Variants in FAM124A observed in about 807,000 individuals in gnomAD.
The protein encoded by FAM124A is family with sequence similarity 124 member A.
FAM124A carries 23 observed loss-of-function variants against 24.5 expected under a neutral mutation model. The ratio of observed to expected loss-of-function variants is 0.94; its 90% CI spans 0.68 to 1.33. FAM124A has a LOEUF of 1.33. FAM124A is among the 40% of genes most tolerant of loss of function. The probability of loss-of-function intolerance (pLI) is 0.00; values close to 1 mark genes in which losing one functional copy is unlikely to be tolerated. For synonymous variants in FAM124A, 287 were observed against 314.7 expected (o/e 0.91, Z 0.93); for missense variants, 623 against 722.8 (o/e 0.86, Z 1.58).
At chr13:51,240,158 A>G (rs935081507) in intron 2 of FAM124A, among the ~76,000 whole-genome samples, 14 of 152,284 alleles carry the variant, frequency 9.2e-5, no homozygotes, top group African/African-American at 3.4e-4. Flanking sequence ...TGATACAAAA[A>G]GCCAAGTCAT....
At chr13:51,270,429 T>A (rs564196432) in intron 3 of FAM124A, among the ~76,000 whole-genome samples, 47 of 152,316 alleles carry the variant, frequency 3.1e-4, no homozygotes, top group East Asian at 1.2e-3. Context: ...GATTTTTTTT[T>A]AAATTTATAA....
chr13:51,255,241 T>C (rs956677059), intron 3 of FAM124A, among the ~76,000 whole-genome samples: 1 of 152,184 alleles, frequency 6.6e-6, no homozygotes, highest in Non-Finnish European at 1.5e-5. Flanking sequence ...AAGGCAAATA[T>C]TGATAGAAAA....
At chr13:51,224,079 G>C (rs115699542) in intron 1 of FAM124A, among the ~76,000 whole-genome samples, 2,719 of 152,292 alleles carry the variant, frequency 0.018, 72 homozygotes, top group African/African-American at 0.062. Context: ...CAGCGGCCAG[G>C]CCTCCTGGGA....
rs73490202 is a variant in FAM124A, at chr13:51,278,601, A to G, written c.835-1849A>G. Among the ~76,000 whole-genome samples the G allele has an allele frequency of 2.4e-3, 366 of 152,232 alleles. 3 individuals are homozygous for G. Among genetic ancestry groups the G allele is most frequent in the African/African-American group, 8.6e-3 (359 of 41,550 alleles). On this transcript the variant is annotated intron_variant, in intron 3 of 3. Transcript: ENST00000322475. ...CCAGGATTTCCTGCCATTATTCACA[A>G]TGCCATATCAGCCTCAAATTCCGCC...
Position 51,270,815 on chromosome 13 carries a change from C to T in FAM124A, c.835-9635C>T, listed in dbSNP as rs889137701. Reference sequence around the variant, plus strand: ...CCTGTGGGCGGTTAGTTGATCTCTTCTGATGTAGGCAGCCTGTGTTTTTGG... The same window carrying T: ...CCTGTGGGCGGTTAGTTGATCTCTTTTGATGTAGGCAGCCTGTGTTTTTGG... On this transcript the variant is annotated intron_variant, in intron 3 of 3. Coordinates refer to ENST00000322475, the MANE Select transcript of FAM124A (RefSeq NM_001242312.2). Among the ~76,000 whole-genome samples, 5 of 152,186 alleles carry T rather than the reference C, an allele frequency of 3.3e-5. No individual in the cohort carries two copies. The South Asian group carries it at 1.0e-3, about 32-fold the overall frequency.
intron 2 of FAM124A, among the ~76,000 whole-genome samples, chr13:51,249,199 C>T (rs1192624212): frequency 6.6e-6 from 1 of 152,226 alleles, no homozygotes; most frequent in Non-Finnish European, 1.5e-5. Context: ...TCTGCCTTTA[C>T]CCTTCAAGAC....
chr13:51,275,586 C>G (rs1209490900), intron 3 of FAM124A, among the ~76,000 whole-genome samples: 1 of 151,664 alleles, frequency 6.6e-6, no homozygotes, highest in Non-Finnish European at 1.5e-5. Context: ...AGGCATGTCT[C>G]TAAAAGCAAT....
Position 51,252,078 on chromosome 13 carries a change from C to T in FAM124A, c.711C>T (p.Ser237=), listed in dbSNP as rs1400663047. 1.2e-6 allele frequency: 2 copies of T among 1,614,124 alleles called. No homozygotes were observed. Among genetic ancestry groups the T allele is most frequent in the South Asian group, 2.2e-5 (2 of 91,078 alleles). Residue 237 remains serine, a synonymous_variant, in exon 3 of 4, where the codon TCC becomes TCT. Transcript: ENST00000322475. ...CDQCPVPTDS[S]VLEFRVRDIG... ...AGTGCCCGGTGCCCACCGACTCCTC[C>T]GTGCTGGAGTTCCGAGTGAGGGACA... is the stretch of plus-strand genomic sequence containing the variant.
At position 51,281,213 on chromosome 13, in the gene FAM124A, C is replaced by T. The variant is rs780052468; in HGVS notation, c.1598C>T (p.Ser533Leu). Residue 533 changes from serine (S) to leucine (L), a missense_variant, in exon 4 of 4, where the codon TCG becomes TTG. Ser to Leu is a moderately radical substitution (Grantham distance 145). Coordinates refer to ENST00000322475, the MANE Select transcript of FAM124A (RefSeq NM_001242312.2). ...GGAGACATGCCACCACCCCCAGGGT[C>T]GGCTGGCCCCGGGGATAACGACATG... ...TDGDMPPPPG[S>L]AGPGDNDMEE... The T allele has an allele frequency of 3.1e-6, 5 of 1,602,378 alleles. No homozygotes were observed. The highest frequency in any genetic ancestry group is 3.3e-4 in the Middle Eastern group (2 of 6,010).
At chr13:51,237,693 C>T (rs901018358) in intron 2 of FAM124A, among the ~76,000 whole-genome samples, 1 of 152,234 alleles carries the variant, frequency 6.6e-6, no homozygotes, top group East Asian at 1.9e-4. Flanking sequence ...ATTTCCTTAT[C>T]CAGTCTGTCT....
In FAM124A at chr13:51,284,113, A is replaced by G. The variant is rs1316651836; in HGVS notation, c.*2857A>G. The G allele has an allele frequency of 2.6e-5, 4 of 152,240 alleles. No individual in the cohort carries two copies. The highest frequency in any genetic ancestry group is 9.6e-5 in the African/African-American group (4 of 41,456). 9.4% of individuals were successfully genotyped at this position (152,240 alleles called of 1,614,324 possible). On this transcript the variant is annotated 3_prime_UTR_variant, in exon 4 of 4. Transcript: ENST00000322475. ...CTTCCCTTCCATTCCTGGCCATTCC[A>G]GTAGCATCTTCCTCATCCAGAAGGG... is the stretch of plus-strand genomic sequence containing the variant.
chr13:51,247,175 C>T (rs915327345), intron 2 of FAM124A, among the ~76,000 whole-genome samples: 9 of 152,072 alleles, frequency 5.9e-5, no homozygotes, highest in African/African-American at 1.7e-4. Flanking sequence ...GTGGGAGAGC[C>T]GTGCAGAGGG....
intron 1 of FAM124A, among the ~76,000 whole-genome samples, chr13:51,229,007 C>G (rs1954345727): frequency 6.6e-6 from 1 of 152,184 alleles, no homozygotes; most frequent in African/African-American, 2.4e-5. Flanking sequence ...AAATGTGTAG[C>G]AGCATGTTAT....
rs928780693 is a variant in FAM124A at position 51,222,427 on chromosome 13, G to A, written c.-75G>A. 6 of 1,152,520 alleles carry A rather than the reference G, an allele frequency of 5.2e-6. No homozygotes were observed. The highest frequency in any genetic ancestry group is 1.6e-5 in the African/African-American group (1 of 61,438). 71.4% of individuals were successfully genotyped at this position (1,152,520 alleles called of 1,614,324 possible). A position where few individuals can be genotyped will look rare whatever the true frequency, so the allele number is the denominator to read the frequency against. ...GCTCGGAGGGAGCCCGGCCGGCTCG[G>A]ACTGGGCGGCCGGGAGGGAGGGCGC... On this transcript the variant is annotated 5_prime_UTR_variant, in exon 1 of 4. Transcript: ENST00000322475.
chr13:51,242,746 G>A (rs1954512116), intron 2 of FAM124A, among the ~76,000 whole-genome samples: 1 of 152,084 alleles, frequency 6.6e-6, no homozygotes, highest in African/African-American at 2.4e-5. Flanking sequence ...TAAAGTATCT[G>A]CCTTACTTTC....
In FAM124A at chr13:51,280,505, AG is replaced by A; in HGVS notation, c.891del (p.Lys298ArgfsTer109). On this transcript the variant is annotated frameshift_variant, in exon 4 of 4. Coordinates refer to ENST00000322475, the MANE Select transcript of FAM124A (RefSeq NM_001242312.2). LOFTEE classifies it low-confidence loss of function (END_TRUNC). ...PKPGRVHHAS[E>X]KKRHSTPLPS... Reference sequence around the variant, plus strand: ...CCTGGCAGAGTACATCATGCCTCCGAGAAGAAACGTCATTCCACTCCTTTGC... The same window carrying A: ...CCTGGCAGAGTACATCATGCCTCCGAAAGAAACGTCATTCCACTCCTTTGC... The A allele has an allele frequency of 6.2e-7, 1 of 1,613,760 alleles. No individual in the cohort carries two copies. The highest frequency in any genetic ancestry group is 1.1e-5 in the South Asian group (1 of 91,032).
At chr13:51,255,110 C>T (rs570212522) in intron 3 of FAM124A, among the ~76,000 whole-genome samples, 9 of 152,052 alleles carry the variant, frequency 5.9e-5, no homozygotes, top group African/African-American at 1.7e-4. Context: ...CTATGTTATC[C>T]TTTTTTTAAT....
intron 2 of FAM124A, among the ~76,000 whole-genome samples, chr13:51,248,417 G>C (rs1047442310): frequency 3.3e-5 from 5 of 152,180 alleles, no homozygotes; most frequent in Middle Eastern, 3.2e-3. Flanking sequence ...GACTGTCCTG[G>C]ATCTGTAAGT....
At chr13:51,253,004 A>G (rs1216757568) in intron 3 of FAM124A, 1 of 152,244 alleles carries the variant, frequency 6.6e-6, no homozygotes, top group Non-Finnish European at 1.5e-5. Context: ...ATTACAGAAC[A>G]TCCTACATCT....
Sources: gnomAD v4.1 joint callset for allele counts (sites outside exome capture counted in the v4.1 genomes callset) on GRCh38, gnomAD v4.1.1 for gene constraint, MANE v1.5 for transcripts, NCBI Gene and HGNC (gene_info 2026-07-23, HGNC 2026-07-21) for gene names.